Variants in PDSS2 observed in about 807,000 individuals in gnomAD.
The protein encoded by PDSS2 is decaprenyl diphosphate synthase subunit 2, also known as all trans-polyprenyl-diphosphate synthase PDSS2.
In PDSS2, 31 loss-of-function variants were observed where a neutral mutation model predicts 44.5. The observed-to-expected ratio is 0.70, with a 90% CI of 0.52 to 0.94. The LOEUF is 0.94. Ranked by LOEUF, PDSS2 falls within the 40% of genes least tolerant of loss-of-function variation. The pLI is 0.00. For synonymous variants in PDSS2, 157 were observed against 180.3 expected, an observed-to-expected ratio of 0.87 and a Z score of 1.03; for missense variants, 452 against 482.2, an observed-to-expected ratio of 0.94 and a Z score of 0.59.
At chr6:107,181,862 C>A (rs1211597381) in intron 7 of PDSS2, among the ~76,000 whole-genome samples, 3 of 148,568 alleles carry the variant, frequency 2.0e-5, no homozygotes, top group Admixed American at 1.4e-4. Context: ...TGCACTCCAG[C>A]CTGGGTGACA....
At chr6:107,271,059 T>C (rs1010839356) in intron 3 of PDSS2, among the ~76,000 whole-genome samples, 48 of 152,212 alleles carry the variant, frequency 3.2e-4, no homozygotes, top group Non-Finnish European at 5.6e-4. Context: ...TAAATATAAG[T>C]TATGTTGCAG....
Position 107,161,706 on chromosome 6 carries a change from T to C in PDSS2, c.1042-6929A>G, listed in dbSNP as rs1006186675. ...AGAGTTGCAGAGTTGCAGAGTTGCC[T>C]GAGAGGCTGTATGGCCACAAAGTGT... is the stretch of plus-strand genomic sequence containing the variant. On this transcript the variant is annotated intron_variant, in intron 7 of 7. Coordinates refer to ENST00000369037, the MANE Select transcript of PDSS2 (RefSeq NM_020381.4). Among the ~76,000 whole-genome samples, 14 of 152,124 alleles carry C rather than the reference T, an allele frequency of 9.2e-5. No homozygotes were observed. In the East Asian group the frequency reaches 1.2e-3, roughly 13 times the overall value.
chr6:107,296,112 T>G (rs1182691785), intron 2 of PDSS2, among the ~76,000 whole-genome samples: 1 of 152,146 alleles, frequency 6.6e-6, no homozygotes, highest in Non-Finnish European at 1.5e-5. Context: ...TCAGCCTTAG[T>G]CTAGGAGTAA....
intron 1 of PDSS2, among the ~76,000 whole-genome samples, chr6:107,336,738 G>A (rs1168816025): frequency 1.3e-5 from 2 of 151,244 alleles, no homozygotes; most frequent in Non-Finnish European, 2.9e-5. Flanking sequence ...TACCTATAGT[G>A]AATCTTTATT....
intron 1 of PDSS2, among the ~76,000 whole-genome samples, chr6:107,377,779 C>T (rs1230708969): frequency 2.0e-5 from 3 of 151,914 alleles, no homozygotes; most frequent in South Asian, 2.1e-4. Flanking sequence ...AGTAAACTAT[C>T]GCAAGGACAA....
In PDSS2 at chr6:107,408,302, C is replaced by G. The variant is rs1256519184; in HGVS notation, c.296+50688G>C. ...TGCTGGGATTACAGGCTTGAGCCACCACACCTGGCCTTACTAGCAGTTGTT... is the reference window on the plus strand; with the variant it reads ...TGCTGGGATTACAGGCTTGAGCCACGACACCTGGCCTTACTAGCAGTTGTT... On this transcript the variant is annotated intron_variant, in intron 1 of 7. Transcript: ENST00000369037. 2.0e-5 allele frequency among the ~76,000 whole-genome samples: 3 copies of G among 152,166 alleles called. No individual in the cohort carries two copies. The East Asian group carries it at 5.8e-4, about 29-fold the overall frequency.
At chr6:107,303,345 C>A (rs562318886) in intron 2 of PDSS2, among the ~76,000 whole-genome samples, 1 of 152,318 alleles carries the variant, frequency 6.6e-6, no homozygotes, top group East Asian at 1.9e-4. Context: ...AACGTGTAAT[C>A]ATAGCAATTT....
intron 1 of PDSS2, among the ~76,000 whole-genome samples, chr6:107,371,075 G>A (rs919786288): frequency 2.0e-5 from 3 of 152,084 alleles, no homozygotes; most frequent in Non-Finnish European, 4.4e-5. Flanking sequence ...AGCTACTCAG[G>A]AGGCTGAGGC....
chr6:107,434,392 G>C (rs1310348963), intron 1 of PDSS2, among the ~76,000 whole-genome samples: 1 of 152,196 alleles, frequency 6.6e-6, no homozygotes, highest in Non-Finnish European at 1.5e-5. Flanking sequence ...AGCAAATGTG[G>C]TACATATACA....
At chr6:107,343,502 G>A (rs528851681) in intron 1 of PDSS2, among the ~76,000 whole-genome samples, 26 of 152,178 alleles carry the variant, frequency 1.7e-4, no homozygotes, top group Non-Finnish European at 3.1e-4. Context: ...AAAACATAAT[G>A]TAAAATTAAA....
At position 107,459,302 on chromosome 6, in the gene PDSS2, G is replaced by A. The variant is rs757004163; in HGVS notation, c.-17C>T. 9 of 1,612,430 alleles carry A rather than the reference G, an allele frequency of 5.6e-6. No individual in the cohort carries two copies. The Admixed American group carries it at 1.0e-4, about 18-fold the overall frequency. On this transcript the variant is annotated 5_prime_UTR_variant, in exon 1 of 8. Transcript: ENST00000369037. This position sits in a 1 kb window ranked among gnomAD's most constrained non-coding sequence, Gnocchi z 4.3. ...AAAGTTCATGGTTTGAGTCTGGAAG[G>A]GTCTGGGACCTGGGGGTATCCAGAA...
rs529178586 is a variant in PDSS2 at position 107,299,751 on chromosome 6, C to T, written c.432-25524G>A. 7.1e-4 allele frequency among the ~76,000 whole-genome samples: 108 copies of T among 152,290 alleles called. 1 individual carries two copies. Among genetic ancestry groups the T allele is most frequent in the Admixed American group, 2.2e-3 (34 of 15,298 alleles). Reference sequence around the variant, plus strand: ...TCCATATGCCCCGCAACTGCTATAACTCTGCCACTCTTTGCATGCAAGCAA... The same window carrying T: ...TCCATATGCCCCGCAACTGCTATAATTCTGCCACTCTTTGCATGCAAGCAA... On this transcript the variant is annotated intron_variant, in intron 2 of 7. Transcript: ENST00000369037.
chr6:107,236,095 C>T (rs1774214346), intron 4 of PDSS2, among the ~76,000 whole-genome samples: 1 of 151,730 alleles, frequency 6.6e-6, no homozygotes, highest in Admixed American at 6.6e-5. Context: ...GAATCCCAAG[C>T]AAAAGAAACA....
chr6:107,403,333 C>T (rs1780206906), intron 1 of PDSS2, among the ~76,000 whole-genome samples: 1 of 152,180 alleles, frequency 6.6e-6, no homozygotes, highest in Admixed American at 6.5e-5. Context: ...GCAACTCAGC[C>T]CCTGTGGCTT....
At chr6:107,325,527 C>T (rs1326931849) in intron 2 of PDSS2, among the ~76,000 whole-genome samples, 1 of 152,084 alleles carries the variant, frequency 6.6e-6, no homozygotes, top group Non-Finnish European at 1.5e-5. Flanking sequence ...CTAAAGATAG[C>T]ATTTTACTTC....
chr6:107,275,417 T>A (rs1397966721), intron 2 of PDSS2, among the ~76,000 whole-genome samples: 1 of 152,156 alleles, frequency 6.6e-6, no homozygotes, highest in Non-Finnish European at 1.5e-5. Flanking sequence ...AATGGCCCCA[T>A]GTGAGTCATG....
At chr6:107,234,832 A>G (rs1468187896) in intron 4 of PDSS2, among the ~76,000 whole-genome samples, 1 of 152,212 alleles carries the variant, frequency 6.6e-6, no homozygotes, top group Non-Finnish European at 1.5e-5. Flanking sequence ...CAATAGCACC[A>G]TAAAATTTAT....
chr6:107,273,237 G>T (rs768013431), intron 3 of PDSS2, among the ~76,000 whole-genome samples: 11 of 151,938 alleles, frequency 7.2e-5, no homozygotes, highest in Non-Finnish European at 1.2e-4. Flanking sequence ...ACCTGCCTCG[G>T]CCTCCCAAAG....
At chr6:107,429,485 T>C (rs1211860009) in intron 1 of PDSS2, among the ~76,000 whole-genome samples, 1 of 152,174 alleles carries the variant, frequency 6.6e-6, no homozygotes, top group Non-Finnish European at 1.5e-5. Flanking sequence ...TGGACACTAC[T>C]GTATCTAAAC....
Sources: gnomAD v4.1 joint callset for allele counts (sites outside exome capture counted in the v4.1 genomes callset) on GRCh38, gnomAD v4.1.1 for gene constraint, Gnocchi (gnomAD v3.1) non-coding constraint, MANE v1.5 for transcripts, NCBI Gene and HGNC (gene_info 2026-07-23, HGNC 2026-07-21) for gene names.